Variants in FLII observed in about 807,000 individuals in gnomAD.
FLII encodes the protein FLII actin remodeling protein.
Under a neutral mutation model 156.2 loss-of-function variants are expected in FLII, and 101 were observed. The ratio of observed to expected loss-of-function variants is 0.65; its 90% confidence interval spans 0.55 to 0.76. The LOEUF (loss-of-function observed/expected upper bound fraction) is 0.76. FLII is among the 30% of genes least tolerant of loss of function. The pLI is 0.00. For missense variants in FLII, 1,675 were observed against 1,682.8 expected (o/e 1.00, Z 0.08); for synonymous variants, 767 against 685.8 (o/e 1.12, Z -1.85).
rs2048000838 is a variant in FLII at position 18,245,410 on chromosome 17, A to G, written c.3619T>C (p.Trp1207Arg). 1 of 1,614,088 alleles carries G rather than the reference A, an allele frequency of 6.2e-7. No homozygotes were observed. Among genetic ancestry groups the G allele is most frequent in the Non-Finnish European group, 8.5e-7 (1 of 1,180,008 alleles). The stretch of plus-strand genomic sequence containing the variant: ...ACCTGGCTAGTCTGGGTCCCCACCC[A>G]CATGTAGACCTGTGGGGGCAGCAGG... ...LLDNGQEVYM[W>R]VGTQTSQVEI... Residue 1207 changes from tryptophan (W) to arginine (R), a missense_variant, in exon 29 of 30, where the codon TGG (tryptophan) becomes CGG (arginine). Physicochemically the swap from Trp to Arg is moderately radical, Grantham distance 101. Transcript: ENST00000327031.
Position 18,246,335 on chromosome 17 carries a change from C to A in FLII, c.3179G>T (p.Arg1060Leu). 1 of 1,613,722 alleles carries A rather than the reference C, an allele frequency of 6.2e-7. No individual in the cohort carries two copies. Among genetic ancestry groups the A allele is most frequent in the Non-Finnish European group, 8.5e-7 (1 of 1,179,996 alleles). Reference protein sequence around the residue: ...GAQQPSLYQIRTNGSALCTRC... With the variant: ...GAQQPSLYQILTNGSALCTRC... ...GGTGCAGAGGGCGCTGCCGTTGGTG[C>A]GGATCTGGTAGAGGCTGGGCTGTTG... is the stretch of plus-strand genomic sequence containing the variant. The change falls in exon 24 of 30, where the codon CGC (arginine) becomes CTC (leucine). Residue 1060 changes from arginine to leucine, a missense_variant. Coordinates refer to ENST00000327031, the MANE Select transcript of FLII (RefSeq NM_002018.4).
Position 18,244,866 on chromosome 17 carries a change from A to G in FLII, c.*272T>C, listed in dbSNP as rs550132584. 4 of 405,428 alleles carry G rather than the reference A, an allele frequency of 9.9e-6. No homozygotes were observed. Among genetic ancestry groups the G allele is most frequent in the Non-Finnish European group, 1.7e-5 (4 of 229,766 alleles). 25.1% of individuals were successfully genotyped at this position (405,428 alleles called of 1,614,324 possible). ...AATATTGAAAATAAAAGCATTTAATATCTCTTAAAGGGCATCCACATCTGC... is the reference window on the plus strand; with the variant it reads ...AATATTGAAAATAAAAGCATTTAATGTCTCTTAAAGGGCATCCACATCTGC... On this transcript the variant is annotated 3_prime_UTR_variant, in exon 30 of 30. Coordinates refer to ENST00000327031, the MANE Select transcript of FLII (RefSeq NM_002018.4).
At chr17:18,247,131 C>G (rs759140345) in intron 21 of FLII, 38 bp downstream of exon 21, 63 of 167,530 alleles carry the variant, frequency 3.8e-4, no homozygotes, top group Non-Finnish European at 8.8e-5. Context: ...CTGCCCCCCA[C>G]CCCCCCCCCC....
At chr17:18,247,881 G>A (rs1239511381) in intron 19 of FLII, 33 bp from the exon 20 acceptor site, 1 of 1,613,596 alleles carries the variant, frequency 6.2e-7, no homozygotes. Flanking sequence ...TCAAAGCCCA[G>A]CCAACGGGGA....
In FLII at chr17:18,244,914, G is replaced by A. The variant is rs532381790; in HGVS notation, c.*224C>T. 5.4e-6 allele frequency: 3 copies of A among 555,628 alleles called. No individual in the cohort carries two copies. The highest frequency in any genetic ancestry group is 6.1e-5 in the Admixed American group (2 of 32,594). The allele number at this position is 555,628 out of a possible 1,614,324, so 34.4% of individuals were successfully genotyped here. A position where few individuals can be genotyped will look rare whatever the true frequency, so the allele number is the denominator to read the frequency against. On this transcript the variant is annotated 3_prime_UTR_variant, in exon 30 of 30. Transcript: ENST00000327031. ...TGCTTTATCCCTAGCGGAAGAGTGA[G>A]GGGGCTTCACACGTGCACTCACACT...
rs2048286380 is a variant in FLII at position 18,252,008 on chromosome 17, C to T, written c.1237G>A (p.Ala413Thr). The T allele has an allele frequency of 6.2e-7, 1 of 1,612,842 alleles. No homozygotes were observed. Among genetic ancestry groups the T allele is most frequent in the Admixed American group, 1.7e-5 (1 of 60,012 alleles). Residue 413 changes from alanine to threonine, a missense_variant, in exon 11 of 30, where the codon GCT becomes ACT. Around this residue, in one of 2 missense-constraint regions of FLII, gnomAD observed 1,332 missense variants for 1,269.3 expected, o/e 1.05. Transcript: ENST00000327031. ...ACCTTTCCCCACTCACCAGCTGCAG[C>T]TGCAGCCACGGTAGCAGGAGAGGCA... ...AGASPATVAA[A>T]AAAGSGPKDP...
At chr17:18,256,674 C>T in intron 2 of FLII, 77 bp from the exon 3 acceptor site, 2 of 1,326,876 alleles carry the variant, frequency 1.5e-6, no homozygotes, top group East Asian at 2.5e-5. Context: ...CACAACTCTG[C>T]ACCATCCAGG....
chr17:18,256,843 C>T (rs530029703), intron 2 of FLII, 66 bp downstream of exon 2: 1 of 1,103,070 alleles, frequency 9.1e-7, no homozygotes, highest in Non-Finnish European at 1.3e-6. Flanking sequence ...TGTCTGCCTT[C>T]TCCACAGGCT....
At position 18,245,900 on chromosome 17, in the gene FLII, CTG is replaced by C. The variant is rs773988104; in HGVS notation, c.3396+32_3396+33del. ...AGGGCCCCTGCCTGCCCTGGCTCCT[CTG>C]TGTGTGCCCGCCTGCCCGCCCGCCT... On this transcript the variant is annotated intron_variant, in intron 26 of 29. Coordinates refer to ENST00000327031, the MANE Select transcript of FLII (RefSeq NM_002018.4). 17 of 1,613,894 alleles carry C rather than the reference CTG, an allele frequency of 1.1e-5. No homozygotes were observed. The African/African-American group carries it at 1.9e-4, about 18-fold the overall frequency.
intron 28 of FLII, 33 bp downstream of exon 28, chr17:18,245,522 C>T (rs996357781): frequency 3.1e-6 from 5 of 1,612,318 alleles, no homozygotes; most frequent in Non-Finnish European, 4.2e-6. Context: ...TGGGCGCCTC[C>T]TTGGATGGGC....
In FLII at chr17:18,254,565, C is replaced by G; in HGVS notation, c.531G>C (p.Gln177His). 1.2e-6 allele frequency: 2 copies of G among 1,613,618 alleles called. No homozygotes were observed. The highest frequency in any genetic ancestry group is 1.7e-6 in the Non-Finnish European group (2 of 1,179,900). Residue 177 changes from glutamine to histidine, a missense_variant, in exon 6 of 30, where the codon CAG (glutamine) becomes CAC (histidine). Around this residue, in one of 2 missense-constraint regions of FLII, gnomAD observed 343 missense variants for 413.5 expected, o/e 0.83. Transcript: ENST00000327031. ...GGGGGTTTCCATTGAGCACGAGCGT[C>G]TGCAGGTGCACCAGGCGGCGCATCT... ...PPQMRRLVHL[Q>H]TLVLNGNPLL...
In FLII at chr17:18,246,231, G is replaced by A. The variant is rs2048047002; in HGVS notation, c.3207-9C>T. On this transcript the variant is annotated splice_polypyrimidine_tract_variant and intron_variant, in intron 24 of 29. Transcript: ENST00000327031. ...TGTTGATCTGGATGCACCTGTGGAA[G>A]GGATGGGGCATCAGCAAGGATTCAG... 6.2e-7 allele frequency: 1 copy of A among 1,614,052 alleles called. No homozygotes were observed. Among genetic ancestry groups the A allele is most frequent in the African/African-American group, 1.3e-5 (1 of 74,986 alleles).
chr17:18,244,830 T>TA lies in FLII; in HGVS notation c.*307dup. ...ATTAGCGCCATTTTAATATTAAAAA[T>TA]ACTGATTTTTAATATTGAAAATAAA... On this transcript the variant is annotated 3_prime_UTR_variant, in exon 30 of 30. Coordinates refer to ENST00000327031, the MANE Select transcript of FLII (RefSeq NM_002018.4). 2.6e-6 allele frequency: 1 copy of TA among 382,660 alleles called. No homozygotes were observed. Among genetic ancestry groups the TA allele is most frequent in the Non-Finnish European group, 4.6e-6 (1 of 216,650 alleles). The allele number at this position is 382,660 out of a possible 1,614,324, so 23.7% of individuals were successfully genotyped here. A position where few individuals can be genotyped will look rare whatever the true frequency, so the allele number is the denominator to read the frequency against.
At chr17:18,253,811 G>C in intron 7 of FLII, 92 bp from the exon 8 acceptor site, 1 of 1,287,998 alleles carries the variant, frequency 7.8e-7, no homozygotes, top group Non-Finnish European at 1.1e-6. Flanking sequence ...TGCCACCTCT[G>C]AGCTGTGTGG....
chr17:18,250,155 C>CTT (rs1409610981), intron 14 of FLII, among the ~76,000 whole-genome samples: 1 of 152,176 alleles, frequency 6.6e-6, no homozygotes. Flanking sequence ...TATAAACATA[C>CTT]ACACGTCGGG....
intron 21 of FLII, 46 bp downstream of exon 21, chr17:18,247,123 G>GCCCCC (rs765734701): frequency 1.6e-6 from 2 of 1,249,360 alleles, no homozygotes; most frequent in South Asian, 1.6e-5. Context: ...CCCTCGGCCT[G>GCCCCC]CCCCCCACCC....
At chr17:18,251,883 A>G in intron 11 of FLII, 67 bp from the exon 12 acceptor site, 1 of 1,608,414 alleles carries the variant, frequency 6.2e-7, no homozygotes, top group Non-Finnish European at 8.5e-7. Flanking sequence ...GCGACCAACC[A>G]GGGGCCAACT....
chr17:18,246,975 C>G lies in FLII; in HGVS notation c.2754G>C (p.Ala918=). The stretch of plus-strand genomic sequence containing the variant: ...GGCCAAACTCCTCTTCCGGCAGCCG[C>G]GCAAACTTCTTGCCCTCCAGCACGA... ...EGFVLEGKKF[A]RLPEEEFGHF... is the part of the protein sequence containing the mutation. Residue 918 remains alanine, a synonymous_variant, in exon 22 of 30, where the codon GCG becomes GCC. Transcript: ENST00000327031. The G allele has an allele frequency of 6.2e-7, 1 of 1,614,148 alleles. No individual in the cohort carries two copies. The highest frequency in any genetic ancestry group is 8.5e-7 in the Non-Finnish European group (1 of 1,180,036).
In FLII at chr17:18,245,648, C is replaced by G. The variant is rs199524297; in HGVS notation, c.3516G>C (p.Glu1172Asp). Residue 1172 changes from glutamate to aspartate, a missense_variant, in exon 28 of 30, where the codon GAG becomes GAC. By Grantham distance (45) the Glu-to-Asp change is conservative (BLOSUM62 2). Transcript: ENST00000327031. Reference sequence around the variant, plus strand: ...TCTCAGTCACTGCAAAGTAGCCCTTCTCGTTGGAGCACCTGGGAATCAAGG... The same window carrying G: ...TCTCAGTCACTGCAAAGTAGCCCTTGTCGTTGGAGCACCTGGGAATCAAGG... Reference protein sequence around the residue: ...KHTRLFRCSNEKGYFAVTEKC... With the variant: ...KHTRLFRCSNDKGYFAVTEKC... The G allele has an allele frequency of 2.5e-6, 4 of 1,613,854 alleles. No homozygotes were observed. In the East Asian group the frequency reaches 8.9e-5, roughly 36 times the overall value.
Sources: gnomAD v4.1 joint callset for allele counts (sites outside exome capture counted in the v4.1 genomes callset) on GRCh38, gnomAD v4.1.1 for gene constraint, gnomAD v4.1.1 regional missense constraint, MANE v1.5 for transcripts, NCBI Gene and HGNC (gene_info 2026-07-23, HGNC 2026-07-21) for gene names.